The following CDYL2 variants were observed in gnomAD, a reference collection of about 807,000 sequenced individuals.
CDYL2 encodes chromodomain Y like 2.
CDYL2 carries 23 observed loss-of-function variants against 49.4 expected under a neutral mutation model. The ratio of observed to expected loss-of-function variants is 0.47; its 90% CI spans 0.34 to 0.66. The LOEUF (loss-of-function observed/expected upper bound fraction) is 0.66. CDYL2 is among the 30% of genes least tolerant of loss of function. The pLI, the probability that CDYL2 is intolerant of heterozygous loss-of-function variation, is 0.01. For synonymous variants in CDYL2, 360 were observed against 268.8 expected (o/e 1.34, Z -3.32); for missense variants, 678 against 656.4 (o/e 1.03, Z -0.36).
At chr16:80,688,802 G>C (rs1429067715) in intron 1 of CDYL2, among the ~76,000 whole-genome samples, 1 of 152,118 alleles carries the variant, frequency 6.6e-6, no homozygotes, top group Non-Finnish European at 1.5e-5. Context: ...AGTCGTTTAG[G>C]ACTTGACCTT....
chr16:80,764,068 G>C (rs1906629933), intron 1 of CDYL2, among the ~76,000 whole-genome samples: 1 of 152,128 alleles, frequency 6.6e-6, no homozygotes, highest in Non-Finnish European at 1.5e-5. Flanking sequence ...GACAAAAAAA[G>C]TCTTTAAAGA....
At chr16:80,787,004 C>A (rs146053673) in intron 1 of CDYL2, among the ~76,000 whole-genome samples, 3 of 152,006 alleles carry the variant, frequency 2.0e-5, no homozygotes, top group Middle Eastern at 3.4e-3. Context: ...ACCACCATGG[C>A]ACGTGCATAC....
intron 2 of CDYL2, among the ~76,000 whole-genome samples, chr16:80,637,369 T>C (rs189238624): frequency 3.1e-3 from 470 of 152,300 alleles, no homozygotes; most frequent in African/African-American, 0.011. Context: ...GTTCTCTCTC[T>C]TTTTCAATAT....
chr16:80,754,131 A>C (rs1443613493), intron 1 of CDYL2, among the ~76,000 whole-genome samples: 2 of 152,204 alleles, frequency 1.3e-5, no homozygotes, highest in Non-Finnish European at 2.9e-5. Flanking sequence ...ACACAATCCT[A>C]CTTTGCAACG....
At chr16:80,727,584 G>A (rs1311345661) in intron 1 of CDYL2, among the ~76,000 whole-genome samples, 1 of 152,224 alleles carries the variant, frequency 6.6e-6, no homozygotes, top group Non-Finnish European at 1.5e-5. Context: ...CTCGAACTGG[G>A]TGGAGCCCAC....
At chr16:80,763,139 G>T (rs1434227593) in intron 1 of CDYL2, among the ~76,000 whole-genome samples, 1 of 152,056 alleles carries the variant, frequency 6.6e-6, no homozygotes, top group African/African-American at 2.4e-5. Context: ...CTGCACTCCA[G>T]CAGGAACCTA....
intron 3 of CDYL2, among the ~76,000 whole-genome samples, chr16:80,629,977 G>T (rs1370556889): frequency 6.6e-6 from 1 of 152,154 alleles, no homozygotes; most frequent in African/African-American, 2.4e-5. Flanking sequence ...TTTCTATAAA[G>T]GAGGAAGCTC....
chr16:80,690,007 G>A (rs1019982338), intron 1 of CDYL2, among the ~76,000 whole-genome samples: 12 of 151,880 alleles, frequency 7.9e-5, no homozygotes, highest in Non-Finnish European at 1.6e-4. Flanking sequence ...TGTAATCCCA[G>A]CTACTCCAGA....
chr16:80,738,174 T>C (rs977527977), intron 1 of CDYL2, among the ~76,000 whole-genome samples: 3 of 152,198 alleles, frequency 2.0e-5, no homozygotes, highest in South Asian at 2.1e-4. Context: ...GCTTCATCCA[T>C]GTCCCTGCAA....
rs147022837 is a variant in CDYL2 at position 80,660,174 on chromosome 16, A to G, written c.616+24364T>C. The stretch of plus-strand genomic sequence containing the variant: ...AAATTTATCTACCACAGACTCTAAA[A>G]AAATTAAGAGAAACTTAGCAAATCA... On this transcript the variant is annotated intron_variant, in intron 2 of 6. Coordinates refer to ENST00000570137, the MANE Select transcript of CDYL2 (RefSeq NM_152342.4). Among the ~76,000 whole-genome samples the G allele has an allele frequency of 3.2e-4, 49 of 152,286 alleles. No individual in the cohort carries two copies. The East Asian group carries it at 9.0e-3, about 28-fold the overall frequency.
rs866491832 is a variant in CDYL2 at position 80,768,378 on chromosome 16, T to C, written c.24+35772A>G. ...TCTCACCTGCACTAACCAGTGTCCA[T>C]GTGTCTTAGACTATTCAGGCTGCTA... is the stretch of plus-strand genomic sequence containing the variant. On this transcript the variant is annotated intron_variant, in intron 1 of 6. Coordinates refer to ENST00000570137, the MANE Select transcript of CDYL2 (RefSeq NM_152342.4). Among the ~76,000 whole-genome samples, 12 of 152,352 alleles carry C rather than the reference T, an allele frequency of 7.9e-5. No homozygotes were observed. In the South Asian group the frequency reaches 1.7e-3, roughly 21 times the overall value.
intron 4 of CDYL2, among the ~76,000 whole-genome samples, chr16:80,615,906 G>A (rs1906806388): frequency 1.3e-5 from 2 of 152,184 alleles, no homozygotes; most frequent in Admixed American, 6.5e-5. Flanking sequence ...ATCACTGGGA[G>A]CCAAGCAGCA....
rs1024228688 is a variant in CDYL2, at chr16:80,600,196, G to T, written c.*4192C>A. The stretch of plus-strand genomic sequence containing the variant: ...ATTATACTTCAAACGCAATTACTTC[G>T]AAAAAAGATTAACCTGCTCTCCAAC... On this transcript the variant is annotated 3_prime_UTR_variant, in exon 7 of 7. Transcript: ENST00000570137. 1 of 151,896 alleles carries T rather than the reference G, an allele frequency of 6.6e-6. No individual in the cohort carries two copies. The highest frequency in any genetic ancestry group is 1.5e-5 in the Non-Finnish European group (1 of 67,968). 9.4% of individuals were successfully genotyped at this position (151,896 alleles called of 1,614,324 possible).
At chr16:80,650,674 T>C (rs1908544791) in intron 2 of CDYL2, among the ~76,000 whole-genome samples, 1 of 152,222 alleles carries the variant, frequency 6.6e-6, no homozygotes, top group South Asian at 2.1e-4. Flanking sequence ...CACTCTCATG[T>C]TTGTTGTAGC....
chr16:80,657,058 A>G (rs190062942), intron 2 of CDYL2, among the ~76,000 whole-genome samples: 7 of 152,378 alleles, frequency 4.6e-5, no homozygotes, highest in Admixed American at 1.3e-4. Context: ...AAACGAAAAC[A>G]AAACAGAAAC....
At chr16:80,785,411 T>G (rs1001636401) in intron 1 of CDYL2, among the ~76,000 whole-genome samples, 1 of 152,108 alleles carries the variant, frequency 6.6e-6, no homozygotes, top group African/African-American at 2.4e-5. Context: ...TTACAAGGGA[T>G]GTGAAGGACC....
chr16:80,727,227 T>A (rs1215543063), intron 1 of CDYL2, among the ~76,000 whole-genome samples: 2 of 152,060 alleles, frequency 1.3e-5, no homozygotes, highest in Non-Finnish European at 2.9e-5. Context: ...TGGGCACAGG[T>A]CACTGGGTGC....
At chr16:80,801,131 T>A (rs368630372) in intron 1 of CDYL2, among the ~76,000 whole-genome samples, 62 of 152,364 alleles carry the variant, frequency 4.1e-4, no homozygotes, top group African/African-American at 1.3e-3. Context: ...GACCAGGGCA[T>A]CTGGCTAAGA....
chr16:80,792,776 C>T (rs868008112), intron 1 of CDYL2, among the ~76,000 whole-genome samples: 3 of 152,172 alleles, frequency 2.0e-5, no homozygotes, highest in Non-Finnish European at 2.9e-5. Flanking sequence ...AATATCGCTG[C>T]TGTGCTGCCA....
Sources: allele counts gnomAD v4.1 joint callset (sites outside exome capture counted in the v4.1 genomes callset), GRCh38; gene constraint gnomAD v4.1.1; transcripts MANE v1.5; gene names NCBI Gene and HGNC (gene_info 2026-07-23, HGNC 2026-07-21).